Variants in RBM20 observed in about 807,000 individuals in gnomAD.
RBM20 encodes the protein RNA-binding protein 20.
RBM20 carries 51 observed loss-of-function variants against 110.1 expected under a neutral mutation model. That is an observed-to-expected ratio of 0.46 (90% confidence interval 0.37 to 0.59). The LOEUF (loss-of-function observed/expected upper bound fraction) is 0.59, where lower values mean the gene tolerates loss of function less well. Ranked by LOEUF, RBM20 falls within the 20% of genes least tolerant of loss-of-function variation. RBM20 has a pLI of 0.00. For missense variants in RBM20, 1,512 were observed against 1,574.9 expected, an observed-to-expected ratio of 0.96 and a Z score of 0.68; for synonymous variants, 589 against 618.2, an observed-to-expected ratio of 0.95 and a Z score of 0.70.
intron 1 of RBM20, among the ~76,000 whole-genome samples, chr10:110,679,162 C>A (rs566153277): frequency 8.5e-5 from 13 of 152,268 alleles, no homozygotes; most frequent in African/African-American, 3.1e-4. Context: ...AAGTGATTAG[C>A]ACAGTATCTG....
At chr10:110,693,293 T>C (rs1018392148) in intron 1 of RBM20, among the ~76,000 whole-genome samples, 8 of 152,158 alleles carry the variant, frequency 5.3e-5, no homozygotes, top group Non-Finnish European at 1.0e-4. Flanking sequence ...GTAGGAAATG[T>C]TTTCTTCTCA....
intron 1 of RBM20, among the ~76,000 whole-genome samples, chr10:110,657,078 G>A (rs1008594691): frequency 5.9e-5 from 9 of 151,450 alleles, no homozygotes; most frequent in East Asian, 1.9e-4. Flanking sequence ...GTGCATTGGC[G>A]TGATCTCGAT....
At chr10:110,685,070 G>A (rs1048004066) in intron 1 of RBM20, among the ~76,000 whole-genome samples, 9 of 152,208 alleles carry the variant, frequency 5.9e-5, no homozygotes, top group African/African-American at 2.2e-4. Context: ...TTTGTAAAAC[G>A]AGGCGAATGA....
At chr10:110,643,396 A>C (rs1440026000), upstream of RBM20, among the ~76,000 whole-genome samples, 11 of 152,190 alleles carry the variant, frequency 7.2e-5, no homozygotes, top group Admixed American at 7.2e-4. Flanking sequence ...GGTGGCTCTC[A>C]GCCTTGAAAG....
intron 7 of RBM20, among the ~76,000 whole-genome samples, chr10:110,804,960 C>G (rs1844676196): frequency 6.6e-6 from 1 of 152,140 alleles, no homozygotes; most frequent in Non-Finnish European, 1.5e-5. Context: ...GGTTTCAGAG[C>G]CATTGGTCTT....
At chr10:110,711,542 T>G (rs1862929005) in intron 1 of RBM20, among the ~76,000 whole-genome samples, 1 of 152,072 alleles carries the variant, frequency 6.6e-6, no homozygotes, top group Non-Finnish European at 1.5e-5. Context: ...ACTGGATAAT[T>G]GCAAGTGACT....
rs61281177 is a variant in RBM20 at position 110,801,700 on chromosome 10, CTTTTTTTT to C, written c.1800+1794_1800+1801del. 6.4e-4 allele frequency among the ~76,000 whole-genome samples: 75 copies of C among 116,762 alleles called. 1 individual carries two copies. The highest frequency in any genetic ancestry group is 3.7e-4 in the Admixed American group (4 of 10,722). The allele number at this position is 116,762 out of a possible 152,430, so 76.6% of individuals were successfully genotyped here. A position where few individuals can be genotyped will look rare whatever the true frequency, so the allele number is the denominator to read the frequency against. ...AGGCACACACCACCATGCCTGGCTA[CTTTTTTTT>C]TTTTTTTTTTTGTATTTTAATAGAG... On this transcript the variant is annotated intron_variant, in intron 7 of 13. Transcript: ENST00000369519.
rs992748663 is a variant in RBM20 at position 110,780,605 on chromosome 10, A to G, written c.192-196A>G. On this transcript the variant is annotated intron_variant, in intron 1 of 13. Transcript: ENST00000369519. ...AGTGAGATTGAACGTTCTGTCATAT[A>G]ATTTTTCCATTGGAGTTTTTTTTTT... Among the ~76,000 whole-genome samples the G allele has an allele frequency of 1.9e-4, 27 of 139,196 alleles. 1 individual carries two copies. Among genetic ancestry groups the G allele is most frequent in the Admixed American group, 1.9e-3 (24 of 12,784 alleles). 91.3% of individuals were successfully genotyped at this position (139,196 alleles called of 152,430 possible). A position where few individuals can be genotyped will look rare whatever the true frequency, so the allele number is the denominator to read the frequency against.
intron 1 of RBM20, among the ~76,000 whole-genome samples, chr10:110,696,975 C>A (rs1245423589): frequency 1.3e-5 from 2 of 152,220 alleles, no homozygotes; most frequent in African/African-American, 2.4e-5. Flanking sequence ...CCACCAAAGG[C>A]AACCCCCATT....
chr10:110,696,838 A>C (rs1461766997), intron 1 of RBM20, among the ~76,000 whole-genome samples: 3 of 152,154 alleles, frequency 2.0e-5, no homozygotes, highest in African/African-American at 7.2e-5. Flanking sequence ...GATATAGTAA[A>C]GTCTGCAACT....
chr10:110,753,329 C>A (rs889740878), intron 1 of RBM20, among the ~76,000 whole-genome samples: 4 of 152,228 alleles, frequency 2.6e-5, no homozygotes, highest in South Asian at 4.2e-4. Context: ...AAATGTTTAA[C>A]CACTCCCAAC....
At chr10:110,752,616 A>AT (rs891667377) in intron 1 of RBM20, among the ~76,000 whole-genome samples, 2 of 152,074 alleles carry the variant, frequency 1.3e-5, no homozygotes, top group Non-Finnish European at 2.9e-5. Context: ...ATATGTACTT[A>AT]TTTTTTTCCA....
chr10:110,644,570 G>T lies in RBM20; in HGVS notation c.116G>T (p.Arg39Leu). The T allele has an allele frequency of 6.6e-7, 1 of 1,526,662 alleles. No homozygotes were observed. The highest frequency in any genetic ancestry group is 2.6e-5 in the East Asian group (1 of 39,072). The allele number at this position is 1,526,662 out of a possible 1,614,324, so 94.6% of individuals were successfully genotyped here. A position where few individuals can be genotyped will look rare whatever the true frequency, so the allele number is the denominator to read the frequency against. The change falls in exon 1 of 14, where the codon CGA becomes CTA. Residue 39 changes from arginine to leucine, a missense_variant. Arg to Leu is a moderately radical substitution (Grantham distance 102). This residue lies in a region of RBM20 where 1,149 missense variants were observed against 1,169.4 expected (regional missense o/e 0.98). Coordinates refer to ENST00000369519, the MANE Select transcript of RBM20 (RefSeq NM_001134363.3). The surrounding 1 kb of genome is among the most constrained non-coding windows in gnomAD (Gnocchi z 4.3). ...GCGTCCCCGGCACCCTCCGGCCCGCGAGGGATGCAGCAGCCGCCGCCGCCG... is the reference window on the plus strand; with the variant it reads ...GCGTCCCCGGCACCCTCCGGCCCGCTAGGGATGCAGCAGCCGCCGCCGCCG... ...ARASPAPSGP[R>L]GMQQPPPPPQ...
intron 7 of RBM20, among the ~76,000 whole-genome samples, chr10:110,807,244 C>T (rs1301744869): frequency 6.6e-6 from 1 of 152,214 alleles, no homozygotes; most frequent in Non-Finnish European, 1.5e-5. Context: ...CAGGGGCCCC[C>T]TCACTGGGGA....
At chr10:110,834,075 G>T (rs111762252) in intron 13 of RBM20, among the ~76,000 whole-genome samples, 7 of 152,316 alleles carry the variant, frequency 4.6e-5, no homozygotes, top group African/African-American at 7.2e-5. Flanking sequence ...TGTGCCCCAC[G>T]GCTGGTCACG....
intron 12 of RBM20, among the ~76,000 whole-genome samples, chr10:110,828,596 CGT>C (rs920775047): frequency 2.0e-5 from 3 of 152,194 alleles, no homozygotes; most frequent in East Asian, 1.9e-4. Flanking sequence ...ATATTTAACA[CGT>C]GTCTCCAAAC....
intron 1 of RBM20, among the ~76,000 whole-genome samples, chr10:110,648,096 AT>A (rs1861894806): frequency 6.6e-6 from 1 of 152,192 alleles, no homozygotes; most frequent in African/African-American, 2.4e-5. Flanking sequence ...TTTCTGTATT[AT>A]TTTTTAAGCA....
chr10:110,693,860 A>G (rs1590621282), intron 1 of RBM20, among the ~76,000 whole-genome samples: 2 of 152,228 alleles, frequency 1.3e-5, no homozygotes, highest in East Asian at 3.8e-4. Context: ...AGTTTTTGGT[A>G]AAATATCATT....
chr10:110,700,715 C>A (rs1312773940), intron 1 of RBM20, among the ~76,000 whole-genome samples: 1 of 152,102 alleles, frequency 6.6e-6, no homozygotes, highest in Non-Finnish European at 1.5e-5. Flanking sequence ...GGATGGGCAA[C>A]AAATAAAAAC....
Sources: gnomAD v4.1 joint callset for allele counts (sites outside exome capture counted in the v4.1 genomes callset) on GRCh38, gnomAD v4.1.1 for gene constraint, gnomAD v4.1.1 regional missense constraint, Gnocchi (gnomAD v3.1) non-coding constraint, MANE v1.5 for transcripts, NCBI Gene and HGNC (gene_info 2026-07-23, HGNC 2026-07-21) for gene names.